The following RABGAP1L variants were observed in gnomAD, a reference collection of about 807,000 sequenced individuals.
RABGAP1L encodes the protein rab GTPase-activating protein 1-like.
RABGAP1L carries 63 observed loss-of-function variants against 137.7 expected under a neutral mutation model. That is an observed-to-expected ratio of 0.46 (90% CI 0.37 to 0.56). RABGAP1L has a LOEUF of 0.56. Ranked by LOEUF, RABGAP1L falls within the 20% of genes least tolerant of loss-of-function variation. RABGAP1L has a pLI of 0.00. For synonymous variants in RABGAP1L, 431 were observed against 433.7 expected (o/e 0.99, Z 0.08); for missense variants, 1,095 against 1,244.0 (o/e 0.88, Z 1.80).
rs564477007 is a variant in RABGAP1L at position 174,841,159 on chromosome 1, A to G, written c.2340+29199A>G. ...AAACCCAAATAAAATAATGAAGTCA[A>G]TATTTGAGATTGTCAAGCTTTGTAT... On this transcript the variant is annotated intron_variant, in intron 19 of 25. Transcript: ENST00000681986. 7.2e-5 allele frequency among the ~76,000 whole-genome samples: 11 copies of G among 152,310 alleles called. No individual in the cohort carries two copies. The South Asian group carries it at 2.3e-3, about 32-fold the overall frequency.
intron 11 of RABGAP1L, among the ~76,000 whole-genome samples, chr1:174,341,753 T>A (rs982936778): frequency 1.3e-5 from 2 of 152,212 alleles, no homozygotes; most frequent in Non-Finnish European, 2.9e-5. Flanking sequence ...CAAATAATTA[T>A]CTTATGACCT....
intron 14 of RABGAP1L, among the ~76,000 whole-genome samples, chr1:174,655,088 G>C (rs1418473101): frequency 6.7e-6 from 1 of 150,090 alleles, no homozygotes; most frequent in Non-Finnish European, 1.5e-5. Context: ...TAAACTGTTT[G>C]AGAGTGATTT....
chr1:174,822,128 G>A (rs1330404094), intron 19 of RABGAP1L, among the ~76,000 whole-genome samples: 1 of 152,176 alleles, frequency 6.6e-6, no homozygotes, highest in East Asian at 1.9e-4. Flanking sequence ...GGGCATGGTG[G>A]CGCACGCCTG....
chr1:174,241,684 G>C, intron 5 of RABGAP1L, 27 bp downstream of exon 5: 1 of 1,535,994 alleles, frequency 6.5e-7, no homozygotes, highest in Middle Eastern at 1.7e-4. Context: ...ATAGCAATTT[G>C]CTATAGAGAT....
intron 15 of RABGAP1L, among the ~76,000 whole-genome samples, chr1:174,692,395 A>C (rs1678935159): frequency 6.6e-6 from 1 of 152,196 alleles, no homozygotes; most frequent in Non-Finnish European, 1.5e-5. Context: ...GATCAGTTTT[A>C]AAAGATCAGT....
At chr1:174,283,261 C>T (rs1164107671) in intron 10 of RABGAP1L, among the ~76,000 whole-genome samples, 2 of 151,720 alleles carry the variant, frequency 1.3e-5, no homozygotes, top group Non-Finnish European at 2.9e-5. Context: ...ATAAAATTAC[C>T]CAAGCGTGGT....
rs554250236 is a variant in RABGAP1L, at chr1:174,645,042, G to C, written c.1824+7554G>C. On this transcript the variant is annotated intron_variant, in intron 14 of 25. Transcript: ENST00000681986. ...AAATTGTATTGTTTTAGGGATTTTT[G>C]TTAAATAAGAAGATTTTAGATGCTC... Among the ~76,000 whole-genome samples, 105 of 151,982 alleles carry C rather than the reference G, an allele frequency of 6.9e-4. 2 individuals are homozygous for C. The South Asian group carries it at 0.02, about 29-fold the overall frequency.
intron 13 of RABGAP1L, among the ~76,000 whole-genome samples, chr1:174,494,517 A>G (rs980218907): frequency 1.3e-5 from 2 of 152,196 alleles, no homozygotes; most frequent in Non-Finnish European, 2.9e-5. Context: ...ATTTGGGCCT[A>G]TGAATATCTG....
At chr1:174,308,363 T>C (rs2148785414) in intron 11 of RABGAP1L, among the ~76,000 whole-genome samples, 1 of 152,186 alleles carries the variant, frequency 6.6e-6, no homozygotes, top group South Asian at 2.1e-4. Context: ...TTCCTTTGTT[T>C]TGCAGATGTT....
chr1:174,527,395 G>A (rs1405923094), intron 13 of RABGAP1L, among the ~76,000 whole-genome samples: 1 of 151,862 alleles, frequency 6.6e-6, no homozygotes, highest in Admixed American at 6.6e-5. Flanking sequence ...TAGGGACTGG[G>A]TTTCACCATG....
In RABGAP1L at chr1:174,172,234, C is replaced by T. The variant is rs559366211; in HGVS notation, c.-34+12577C>T. ...TGTGTGTGTATATATGCCACAAATTCTTTATCTGTTCATCTTAGGACAGAC... is the reference window on the plus strand; with the variant it reads ...TGTGTGTGTATATATGCCACAAATTTTTTATCTGTTCATCTTAGGACAGAC... On this transcript the variant is annotated intron_variant, in intron 1 of 25. Transcript: ENST00000681986. Among the ~76,000 whole-genome samples the T allele has an allele frequency of 8.0e-4, 104 of 129,706 alleles. 1 individual carries two copies. Among genetic ancestry groups the T allele is most frequent in the Middle Eastern group, 4.7e-3 (1 of 214 alleles). 85.1% of individuals were successfully genotyped at this position (129,706 alleles called of 152,430 possible).
chr1:174,173,620 T>G (rs1383430219), intron 1 of RABGAP1L, among the ~76,000 whole-genome samples: 1 of 152,224 alleles, frequency 6.6e-6, no homozygotes, highest in Non-Finnish European at 1.5e-5. Flanking sequence ...AGTTTATGGC[T>G]TTTTATACAG....
intron 14 of RABGAP1L, among the ~76,000 whole-genome samples, chr1:174,656,433 G>A (rs2148407278): frequency 6.6e-6 from 1 of 152,258 alleles, no homozygotes; most frequent in Middle Eastern, 3.4e-3. Context: ...CCTCCAGCCT[G>A]GGCAACAGAG....
chr1:174,392,663 C>T (rs1054247856), intron 12 of RABGAP1L, among the ~76,000 whole-genome samples: 1 of 152,092 alleles, frequency 6.6e-6, no homozygotes, highest in Admixed American at 6.6e-5. Flanking sequence ...CCAAATATGA[C>T]AGTATGGGGA....
At position 174,219,182 on chromosome 1, in the gene RABGAP1L, A is replaced by G; in HGVS notation, c.25A>G (p.Lys9Glu). 1 of 1,604,648 alleles carries G rather than the reference A, an allele frequency of 6.2e-7. No individual in the cohort carries two copies. The highest frequency in any genetic ancestry group is 8.5e-7 in the Non-Finnish European group (1 of 1,175,414). The change falls in exon 2 of 26, where the codon AAG becomes GAG. Residue 9 changes from lysine (K) to glutamate (E), a missense_variant. Lys to Glu is a moderately conservative substitution (Grantham distance 56, BLOSUM62 1). This residue lies in a region of RABGAP1L where 356 missense variants were observed against 326.3 expected (regional missense o/e 1.09). Transcript: ENST00000681986. MEVRASLQ[K>E]VSGSSDSVAT... ...AATGGAGGTCAGAGCTTCATTACAG[A>G]AGGTTAGTGGATCATCTGATTCTGT...
intron 11 of RABGAP1L, among the ~76,000 whole-genome samples, chr1:174,369,251 A>G (rs1321638666): frequency 6.6e-6 from 1 of 152,102 alleles, no homozygotes; most frequent in African/African-American, 2.4e-5. Flanking sequence ...GTGCAGTGGC[A>G]CAATCTTGGC....
intron 11 of RABGAP1L, among the ~76,000 whole-genome samples, chr1:174,321,148 A>G (rs1380390412): frequency 6.6e-6 from 1 of 152,126 alleles, no homozygotes; most frequent in Non-Finnish European, 1.5e-5. Context: ...TAGCACTCCC[A>G]GGCCTATTAG....
chr1:174,663,341 T>C (rs1471272080), intron 14 of RABGAP1L, among the ~76,000 whole-genome samples: 1 of 152,212 alleles, frequency 6.6e-6, no homozygotes, highest in Non-Finnish European at 1.5e-5. Context: ...TGGTTTCTTG[T>C]AGCAGCCCAG....
At chr1:174,572,802 T>C (rs1005582482) in intron 13 of RABGAP1L, among the ~76,000 whole-genome samples, 1 of 152,218 alleles carries the variant, frequency 6.6e-6, no homozygotes, top group African/African-American at 2.4e-5. Flanking sequence ...CTCTACTACT[T>C]TGGCAGCCAC....
Sources: allele counts gnomAD v4.1 joint callset (sites outside exome capture counted in the v4.1 genomes callset), GRCh38; gene constraint gnomAD v4.1.1; regional missense constraint gnomAD v4.1.1; transcripts MANE v1.5; gene names NCBI Gene and HGNC (gene_info 2026-07-23, HGNC 2026-07-21).